Variants in RIMS2 observed in about 807,000 individuals in gnomAD.
The protein encoded by RIMS2 is regulating synaptic membrane exocytosis protein 2.
In RIMS2, 59 loss-of-function variants were observed where a neutral mutation model predicts 174.4. The ratio of observed to expected loss-of-function variants is 0.34; its 90% confidence interval spans 0.27 to 0.42. RIMS2 has a LOEUF of 0.42. Ranked by LOEUF, RIMS2 falls within the 10% of genes least tolerant of loss-of-function variation. The pLI, the probability that RIMS2 is intolerant of heterozygous loss-of-function variation, is 1.00. For synonymous variants in RIMS2, 606 were observed against 572.5 expected (o/e 1.06, Z -0.84); for missense variants, 1,620 against 1,666.3 (o/e 0.97, Z 0.48).
At chr8:103,533,735 G>T (rs941361902) in intron 1 of RIMS2, among the ~76,000 whole-genome samples, 5 of 149,786 alleles carry the variant, frequency 3.3e-5, no homozygotes, top group African/African-American at 1.2e-4. Context: ...AGTAGAAAAA[G>T]TCTTAGTTGG....
At chr8:104,057,683 G>C (rs995815632) in intron 19 of RIMS2, among the ~76,000 whole-genome samples, 103 of 149,814 alleles carry the variant, frequency 6.9e-4, no homozygotes, top group Non-Finnish European at 1.2e-3. Flanking sequence ...TCGTCATTTA[G>C]CATTAGGTAT....
chr8:104,166,318 T>G (rs559270722), intron 19 of RIMS2, among the ~76,000 whole-genome samples: 6 of 151,974 alleles, frequency 3.9e-5, no homozygotes, highest in Non-Finnish European at 4.4e-5. Context: ...CGCCCGCCTC[T>G]GCCTCCCAAA....
chr8:104,078,242 G>A (rs1022909872), intron 19 of RIMS2, among the ~76,000 whole-genome samples: 3 of 150,468 alleles, frequency 2.0e-5, no homozygotes, highest in Non-Finnish European at 3.0e-5. Flanking sequence ...ATTAATCTTC[G>A]ATTTTAAAAG....
intron 19 of RIMS2, among the ~76,000 whole-genome samples, chr8:104,103,419 C>G (rs1274382882): frequency 6.6e-6 from 1 of 151,974 alleles, no homozygotes; most frequent in Non-Finnish European, 1.5e-5. Context: ...AAAAATGTCT[C>G]CAGAAAAAAG....
At chr8:103,726,089 A>C (rs555505265) in intron 2 of RIMS2, among the ~76,000 whole-genome samples, 1 of 152,290 alleles carries the variant, frequency 6.6e-6, no homozygotes, top group South Asian at 2.1e-4. Context: ...TTCCTGACTT[A>C]TGATGGTTTG....
At chr8:104,151,800 A>G (rs2098691361) in intron 19 of RIMS2, among the ~76,000 whole-genome samples, 1 of 152,160 alleles carries the variant, frequency 6.6e-6, no homozygotes, top group African/African-American at 2.4e-5. Flanking sequence ...AAATTGCCCA[A>G]GAAGAATTAT....
intron 1 of RIMS2, among the ~76,000 whole-genome samples, chr8:103,644,028 C>A (rs1435147784): frequency 1.3e-5 from 2 of 151,914 alleles, no homozygotes; most frequent in Non-Finnish European, 2.9e-5. Context: ...GGTTACTTTC[C>A]TTCTCCCCCT....
intron 1 of RIMS2, among the ~76,000 whole-genome samples, chr8:103,642,711 TG>T (rs1307940256): frequency 6.6e-6 from 1 of 152,028 alleles, no homozygotes; most frequent in East Asian, 1.9e-4. Flanking sequence ...ATAGGTTGGT[TG>T]GTTTCTTTAT....
chr8:103,905,253 CT>C (rs1410429542), intron 4 of RIMS2, among the ~76,000 whole-genome samples: 1 of 151,810 alleles, frequency 6.6e-6, no homozygotes, highest in African/African-American at 2.4e-5. Flanking sequence ...CAAGAACTTC[CT>C]TTAGTTATTT....
intron 3 of RIMS2, among the ~76,000 whole-genome samples, chr8:103,848,677 C>T (rs1348590776): frequency 1.3e-5 from 2 of 152,008 alleles, no homozygotes; most frequent in Non-Finnish European, 2.9e-5. Flanking sequence ...TGTTGTTCTA[C>T]CACAGATATC....
intron 19 of RIMS2, among the ~76,000 whole-genome samples, chr8:104,028,352 A>T (rs1394084905): frequency 6.6e-6 from 1 of 152,122 alleles, no homozygotes; most frequent in Admixed American, 6.6e-5. Context: ...AAATTACCTA[A>T]TATTTATTAA....
chr8:104,094,913 AT>A (rs1345041758), intron 19 of RIMS2, among the ~76,000 whole-genome samples: 2 of 152,104 alleles, frequency 1.3e-5, no homozygotes, highest in Non-Finnish European at 2.9e-5. Flanking sequence ...ACAGTCTTGA[AT>A]TTGTATCCAC....
At chr8:103,615,582 C>A (rs994021660) in intron 1 of RIMS2, among the ~76,000 whole-genome samples, 5 of 152,026 alleles carry the variant, frequency 3.3e-5, no homozygotes, top group Admixed American at 3.3e-4. Context: ...AAAAGATCAA[C>A]AAATTCAGGA....
At chr8:103,907,083 C>T (rs1386831796) in intron 4 of RIMS2, among the ~76,000 whole-genome samples, 2 of 152,162 alleles carry the variant, frequency 1.3e-5, no homozygotes, top group African/African-American at 2.4e-5. Context: ...AAAAGAATTG[C>T]CTCCAGTAAT....
chr8:103,580,781 A>G (rs1223832496), intron 1 of RIMS2, among the ~76,000 whole-genome samples: 1 of 149,918 alleles, frequency 6.7e-6, no homozygotes, highest in Admixed American at 6.7e-5. Flanking sequence ...AACTAATACC[A>G]TGTCTACTCA....
intron 1 of RIMS2, among the ~76,000 whole-genome samples, chr8:103,671,374 G>T (rs2096742444): frequency 6.6e-6 from 1 of 152,176 alleles, no homozygotes; most frequent in Non-Finnish European, 1.5e-5. Flanking sequence ...AGTGCTGGCT[G>T]ATTTATTATG....
chr8:104,245,226 T>C (rs1259428470), intron 20 of RIMS2, among the ~76,000 whole-genome samples, 169 bp downstream of exon 26: 3 of 152,272 alleles, frequency 2.0e-5, no homozygotes, highest in Non-Finnish European at 4.4e-5. Context: ...CAATGTGACA[T>C]ATCTGGCTTT....
At chr8:104,180,863 G>C (rs982822385) in intron 19 of RIMS2, among the ~76,000 whole-genome samples, 6 of 151,664 alleles carry the variant, frequency 4.0e-5, no homozygotes, top group African/African-American at 1.4e-4. Context: ...TGTTTATTAA[G>C]GGCTTTTATG....
intron 14 of RIMS2, among the ~76,000 whole-genome samples, chr8:103,959,852 C>T (rs1255688524): frequency 6.6e-6 from 1 of 152,208 alleles, no homozygotes; most frequent in East Asian, 1.9e-4. Flanking sequence ...GTCTTTAAAG[C>T]AGTGTGTAGA....
Sources: gnomAD v4.1 joint callset for allele counts (sites outside exome capture counted in the v4.1 genomes callset) on GRCh38, gnomAD v4.1.1 for gene constraint, MANE v1.5 for transcripts, NCBI Gene and HGNC (gene_info 2026-07-23, HGNC 2026-07-21) for gene names.